TNRC6C: variants seen among roughly 807,000 people sequenced by gnomAD.
The protein encoded by TNRC6C is trinucleotide repeat-containing gene 6C protein.
Under a neutral mutation model 153.7 loss-of-function variants are expected in TNRC6C, and 20 were observed. That is an observed-to-expected ratio of 0.13 (90% confidence interval 0.09 to 0.19). The LOEUF (loss-of-function observed/expected upper bound fraction) is 0.19, where lower values mean the gene tolerates loss of function less well. TNRC6C is among the 10% of genes least tolerant of loss of function. The pLI is 1.00. For synonymous variants in TNRC6C, 811 were observed against 841.4 expected (o/e 0.96, Z 0.63); for missense variants, 1,987 against 2,172.0 (o/e 0.91, Z 1.69).
chr17:78,047,051 G>A (rs988040022), intron 2 of TNRC6C, among the ~76,000 whole-genome samples: 1 of 152,048 alleles, frequency 6.6e-6, no homozygotes, highest in African/African-American at 2.4e-5. Flanking sequence ...CTGCTTTCTC[G>A]GTGTGGGTTG....
intron 1 of TNRC6C, among the ~76,000 whole-genome samples, chr17:78,006,968 A>G (rs1463240802): frequency 1.9e-5 from 1 of 53,362 alleles, no homozygotes; most frequent in Non-Finnish European, 3.7e-5. Flanking sequence ...CCCCCACCCC[A>G]TAAGCTGGGG....
At chr17:78,065,598 A>G (rs1196812418) in intron 4 of TNRC6C, among the ~76,000 whole-genome samples, 1 of 152,200 alleles carries the variant, frequency 6.6e-6, no homozygotes, top group South Asian at 2.1e-4. Flanking sequence ...TAGATAAAAC[A>G]TGTCATCTCC....
At position 78,104,945 on chromosome 17, in the gene TNRC6C, T is replaced by C. The variant is rs2073666062; in HGVS notation, c.*100T>C. On this transcript the variant is annotated 3_prime_UTR_variant, in exon 20 of 20. Transcript: ENST00000301624. The surrounding 1 kb of genome is among the most constrained non-coding windows in gnomAD (Gnocchi z 6.2). The stretch of plus-strand genomic sequence containing the variant: ...CTGGAACCCAGCAGCGGCCGCCCTT[T>C]TGAGTACCTCTGTCCAGGACTGAAG... The C allele has an allele frequency of 6.6e-6, 9 of 1,359,710 alleles. No homozygotes were observed. The highest frequency in any genetic ancestry group is 6.6e-6 in the Non-Finnish European group (7 of 1,058,172). 84.2% of individuals were successfully genotyped at this position (1,359,710 alleles called of 1,614,324 possible). A position where few individuals can be genotyped will look rare whatever the true frequency, so the allele number is the denominator to read the frequency against.
chr17:78,036,359 T>G (rs1598717175), intron 2 of TNRC6C, among the ~76,000 whole-genome samples: 1 of 152,316 alleles, frequency 6.6e-6, no homozygotes, highest in African/African-American at 2.4e-5. Context: ...TGGGCATCCT[T>G]GTTTCCCCAT....
chr17:78,078,028 C>T (rs776836448), intron 9 of TNRC6C, among the ~76,000 whole-genome samples: 4 of 152,164 alleles, frequency 2.6e-5, no homozygotes, highest in Admixed American at 2.0e-4. Context: ...ACACACACAC[C>T]GCTTGGAGAC....
chr17:78,087,476 C>T (rs1490897665), intron 13 of TNRC6C, among the ~76,000 whole-genome samples: 2 of 140,788 alleles, frequency 1.4e-5, no homozygotes, highest in Non-Finnish European at 3.0e-5. Flanking sequence ...GGAGTTTTGC[C>T]GCTGCCAATA....
At chr17:77,997,941 A>G (rs1346402373) in intron 1 of TNRC6C, among the ~76,000 whole-genome samples, 1 of 152,238 alleles carries the variant, frequency 6.6e-6, no homozygotes, top group Non-Finnish European at 1.5e-5. Flanking sequence ...GGCGTGAGCC[A>G]CTGCGCCTGG....
At chr17:78,046,576 A>G (rs8070508) in intron 2 of TNRC6C, among the ~76,000 whole-genome samples, 4,186 of 152,166 alleles carry the variant, frequency 0.028, 195 homozygotes, top group African/African-American at 0.095. Context: ...CTTTTGTTAT[A>G]TAGATGTTTT....
At chr17:78,071,698 G>A (rs1301359050) in intron 6 of TNRC6C, among the ~76,000 whole-genome samples, 2 of 152,128 alleles carry the variant, frequency 1.3e-5, no homozygotes, top group South Asian at 4.1e-4. Context: ...GGAAAATGCT[G>A]TGTGATTTTT....
chr17:78,006,518 TC>T, intron 1 of TNRC6C, among the ~76,000 whole-genome samples: 2 of 136,470 alleles, frequency 1.5e-5, no homozygotes, highest in African/African-American at 5.9e-5. Context: ...TTCTTCTTCT[TC>T]TTCTTCTTCT....
intron 3 of TNRC6C, among the ~76,000 whole-genome samples, chr17:78,055,894 C>T (rs1357436388): frequency 2.6e-5 from 4 of 152,154 alleles, no homozygotes; most frequent in African/African-American, 4.8e-5. Flanking sequence ...GGTGAAGTCT[C>T]AGATGTGTAA....
At chr17:78,017,860 G>A (rs1340256160) in intron 1 of TNRC6C, among the ~76,000 whole-genome samples, 14 of 152,130 alleles carry the variant, frequency 9.2e-5, no homozygotes, top group African/African-American at 2.7e-4. Flanking sequence ...TACGAGGTGC[G>A]CACACATACA....
intron 2 of TNRC6C, among the ~76,000 whole-genome samples, chr17:78,043,737 C>A (rs2072347837): frequency 6.6e-6 from 1 of 152,134 alleles, no homozygotes; most frequent in African/African-American, 2.4e-5. Context: ...CTCACTCTCG[C>A]ACTACCCTTC....
chr17:78,065,027 C>A, intron 4 of TNRC6C, 90 bp downstream of exon 6: 1 of 1,386,232 alleles, frequency 7.2e-7, no homozygotes, highest in Non-Finnish European at 9.8e-7. Flanking sequence ...AGGATACTTT[C>A]CTCATTATAT....
intron 16 of TNRC6C, chr17:78,097,845 C>T (rs772534652): frequency 1.1e-5 from 17 of 1,548,234 alleles, no homozygotes; most frequent in Admixed American, 9.8e-5. Flanking sequence ...GCATTGCATC[C>T]GCACCTAGTG....
intron 1 of TNRC6C, among the ~76,000 whole-genome samples, chr17:77,998,700 G>A (rs2071366406): frequency 6.6e-6 from 1 of 152,148 alleles, no homozygotes; most frequent in Admixed American, 6.5e-5. Flanking sequence ...GCCTCCTGGA[G>A]CATAGTTATA....
intron 3 of TNRC6C, among the ~76,000 whole-genome samples, chr17:78,054,994 G>A (rs1213420885): frequency 1.3e-5 from 2 of 152,138 alleles, no homozygotes; most frequent in Admixed American, 1.3e-4. Context: ...ATACACCACT[G>A]CGGACTACTG....
intron 1 of TNRC6C, among the ~76,000 whole-genome samples, chr17:77,989,570 T>G (rs1463895898): frequency 6.6e-6 from 1 of 152,240 alleles, no homozygotes; most frequent in Admixed American, 6.5e-5. Context: ...TTCTTCATAG[T>G]ACTTAGGAAA....
intron 1 of TNRC6C, among the ~76,000 whole-genome samples, chr17:78,022,501 A>T (rs2071853803): frequency 6.6e-6 from 1 of 152,184 alleles, no homozygotes; most frequent in South Asian, 2.1e-4. Context: ...TTTAAGAAAG[A>T]TTAACAGCAG....
Sources: allele counts gnomAD v4.1 joint callset (sites outside exome capture counted in the v4.1 genomes callset), GRCh38; gene constraint gnomAD v4.1.1; non-coding constraint Gnocchi (gnomAD v3.1); transcripts MANE v1.5; gene names NCBI Gene and HGNC (gene_info 2026-07-23, HGNC 2026-07-21).